AEBP2: variants seen among roughly 807,000 people sequenced by gnomAD.
The protein encoded by AEBP2 is zinc finger protein AEBP2.
Under a neutral mutation model 50.8 loss-of-function variants are expected in AEBP2, and 10 were observed. The observed-to-expected ratio is 0.20, with a 90% confidence interval of 0.12 to 0.33. The LOEUF is 0.33. Ranked by LOEUF, AEBP2 falls within the 10% of genes least tolerant of loss-of-function variation. The pLI is 1.00. For missense variants in AEBP2, 570 were observed against 688.0 expected, an observed-to-expected ratio of 0.83 and a Z score of 1.92; for synonymous variants, 296 against 261.3, an observed-to-expected ratio of 1.13 and a Z score of -1.28.
intron 1 of AEBP2, among the ~76,000 whole-genome samples, chr12:19,412,655 A>C (rs1394453783): frequency 2.0e-5 from 3 of 152,172 alleles, no homozygotes; most frequent in Admixed American, 6.6e-5. Flanking sequence ...GCTAGTCTCA[A>C]ACTCCTGGCC....
At chr12:19,474,381 T>A (rs1472834191) in intron 3 of AEBP2, among the ~76,000 whole-genome samples, 3 of 152,230 alleles carry the variant, frequency 2.0e-5, no homozygotes, top group Non-Finnish European at 2.9e-5. Flanking sequence ...GTAATTCTTG[T>A]GGAGTTGCTT....
At chr12:19,418,459 G>A (rs2095743829) in intron 1 of AEBP2, among the ~76,000 whole-genome samples, 2 of 136,842 alleles carry the variant, frequency 1.5e-5, no homozygotes, top group East Asian at 2.1e-4. Flanking sequence ...TTGAACTCCT[G>A]GGCTCAAGCA....
chr12:19,506,828 T>C (rs935744753), intron 5 of AEBP2, among the ~76,000 whole-genome samples: 5 of 152,288 alleles, frequency 3.3e-5, no homozygotes, highest in African/African-American at 1.2e-4. Context: ...GGAGTTACTA[T>C]GGACAAGAAT....
At chr12:19,477,506 C>T (rs1948666223) in intron 3 of AEBP2, among the ~76,000 whole-genome samples, 1 of 152,070 alleles carries the variant, frequency 6.6e-6, no homozygotes, top group Non-Finnish European at 1.5e-5. Flanking sequence ...TAAAGGGATG[C>T]TGGATTTTTT....
At chr12:19,409,191 C>T (rs1356530564) in intron 1 of AEBP2, among the ~76,000 whole-genome samples, 2 of 152,018 alleles carry the variant, frequency 1.3e-5, no homozygotes, top group Admixed American at 1.3e-4. Flanking sequence ...AAAGTTTTTC[C>T]TGCATCATTT....
chr12:19,429,355 A>G (rs956201428), intron 1 of AEBP2, among the ~76,000 whole-genome samples: 2 of 151,966 alleles, frequency 1.3e-5, no homozygotes, highest in Admixed American at 6.6e-5. Context: ...TATGTGCCAC[A>G]TTTTCTTAAT....
intron 1 of AEBP2, chr12:19,440,772 A>G (rs1008585843): frequency 6.5e-7 from 1 of 1,532,882 alleles, no homozygotes; most frequent in Non-Finnish European, 8.7e-7. Context: ...TCAGAACTAC[A>G]ATTGACAAGT....
intron 3 of AEBP2, among the ~76,000 whole-genome samples, chr12:19,486,203 G>A (rs749726533): frequency 2.0e-5 from 3 of 152,004 alleles, no homozygotes; most frequent in East Asian, 1.9e-4. Context: ...ATGAACTCTT[G>A]TATGAACTCT....
chr12:19,419,491 A>G (rs144522029), intron 1 of AEBP2, among the ~76,000 whole-genome samples: 7,333 of 152,098 alleles, frequency 0.048, 388 homozygotes, highest in Admixed American at 0.15. Context: ...CAGGAGGCTG[A>G]GGCAGGAGAA....
At chr12:19,505,528 T>A (rs1949143821) in intron 5 of AEBP2, among the ~76,000 whole-genome samples, 1 of 152,192 alleles carries the variant, frequency 6.6e-6, no homozygotes, top group Non-Finnish European at 1.5e-5. Flanking sequence ...AGCCATTCAA[T>A]TATTAGTGGG....
Position 19,415,499 on chromosome 12 carries a change from A to G in AEBP2, c.-17+11283A>G, listed in dbSNP as rs564842829. Reference sequence around the variant, plus strand: ...CAACACTTTGTAATTCACCTACTAAATGTGAGAAATGGGTTTTTACTGTTA... The same window carrying G: ...CAACACTTTGTAATTCACCTACTAAGTGTGAGAAATGGGTTTTTACTGTTA... On this transcript the variant is annotated intron_variant, in intron 1 of 3. Coordinates refer to the AEBP2 transcript ENST00000538425. Among the ~76,000 whole-genome samples the G allele has an allele frequency of 3.3e-5, 5 of 150,750 alleles. No individual in the cohort carries two copies. The East Asian group carries it at 7.8e-4, about 23-fold the overall frequency.
chr12:19,452,672 G>C lies in AEBP2; in HGVS notation c.672-9838G>C, dbSNP rs142506140. ...CTCAAGTAAAGAATTTTTACTCTTA[G>C]AGTTGTGCATTAGGTGTACAACTTC... On this transcript the variant is annotated intron_variant, in intron 1 of 7. Coordinates refer to ENST00000266508, the MANE Select transcript of AEBP2 (RefSeq NM_153207.5). 1.2e-4 allele frequency among the ~76,000 whole-genome samples: 19 copies of C among 152,238 alleles called. No individual in the cohort carries two copies. In the East Asian group the frequency reaches 2.1e-3, roughly 17 times the overall value.
intron 1 of AEBP2, among the ~76,000 whole-genome samples, chr12:19,417,538 G>T (rs370223991): frequency 2.6e-5 from 4 of 151,342 alleles, no homozygotes; most frequent in East Asian, 3.9e-4. Context: ...TCCCAGAGTA[G>T]CTGGGATTAT....
chr12:19,447,398 C>T (rs1439670362), intron 1 of AEBP2, among the ~76,000 whole-genome samples: 1 of 152,140 alleles, frequency 6.6e-6, no homozygotes, highest in Non-Finnish European at 1.5e-5. Context: ...TTGTGTGCTC[C>T]CTGAGAAGAA....
rs1949358457 is a variant in AEBP2 at position 19,518,854 on chromosome 12, T to G, written c.*737T>G. 3.6e-6 allele frequency: 2 copies of G among 554,986 alleles called. No individual in the cohort carries two copies. The highest frequency in any genetic ancestry group is 3.9e-5 in the African/African-American group (2 of 51,634). 34.4% of individuals were successfully genotyped at this position (554,986 alleles called of 1,614,324 possible). On this transcript the variant is annotated 3_prime_UTR_variant, in exon 8 of 8. Coordinates refer to ENST00000266508, the MANE Select transcript of AEBP2 (RefSeq NM_153207.5). Reference sequence around the variant, plus strand: ...CTCATGGAGTACAGTATGTTAATATTTACCTATATAACTAATCTGTTAACG... The same window carrying G: ...CTCATGGAGTACAGTATGTTAATATGTACCTATATAACTAATCTGTTAACG...
intron 2 of AEBP2, among the ~76,000 whole-genome samples, chr12:19,464,743 T>C (rs1364546043): frequency 6.6e-6 from 1 of 151,668 alleles, no homozygotes; most frequent in Non-Finnish European, 1.5e-5. Context: ...TGAGCCACCA[T>C]GCCTGGCTAA....
At chr12:19,487,994 G>A (rs960897451) in intron 3 of AEBP2, among the ~76,000 whole-genome samples, 2 of 152,226 alleles carry the variant, frequency 1.3e-5, no homozygotes, top group East Asian at 3.9e-4. Context: ...GCATTGCAGA[G>A]CCTTGCACAT....
chr12:19,430,402 G>C (rs1211518161), intron 1 of AEBP2, among the ~76,000 whole-genome samples: 1 of 152,166 alleles, frequency 6.6e-6, no homozygotes, highest in Non-Finnish European at 1.5e-5. Context: ...TTTGAAGTCA[G>C]GTAGTGTGAT....
chr12:19,433,687 G>A (rs987348741), intron 1 of AEBP2, among the ~76,000 whole-genome samples: 20 of 151,756 alleles, frequency 1.3e-4, no homozygotes, highest in Non-Finnish European at 2.5e-4. Context: ...GGCTGAGGCA[G>A]GAGAATCACT....
Sources: allele counts gnomAD v4.1 joint callset (sites outside exome capture counted in the v4.1 genomes callset), GRCh38; gene constraint gnomAD v4.1.1; transcripts MANE v1.5; gene names NCBI Gene and HGNC (gene_info 2026-07-23, HGNC 2026-07-21).